Variants in JUP observed in about 807,000 individuals in gnomAD.
JUP encodes junction plakoglobin.
JUP carries 28 observed loss-of-function variants against 71.1 expected under a neutral mutation model. The ratio of observed to expected loss-of-function variants is 0.39; its 90% confidence interval spans 0.29 to 0.54. JUP has a LOEUF of 0.54. Among genes scored for constraint, JUP ranks in the 20% least tolerant of loss-of-function variants. The probability of loss-of-function intolerance (pLI) is 0.62; values close to 1 mark genes in which losing one functional copy is unlikely to be tolerated. For missense variants in JUP, 869 were observed against 1,030.1 expected (o/e 0.84, Z 2.14); for synonymous variants, 401 against 438.9 (o/e 0.91, Z 1.08).
chr17:41,759,940 G>A (rs1037986957), intron 8 of JUP, among the ~76,000 whole-genome samples: 4 of 151,850 alleles, frequency 2.6e-5, no homozygotes, highest in Non-Finnish European at 1.5e-5. Flanking sequence ...TAGGCCGGGC[G>A]CAGTGGCTCA....
chr17:41,762,115 CAGAGAGACAGAGAGAGAGAG>C, intron 8 of JUP, among the ~76,000 whole-genome samples: 1 of 63,362 alleles, frequency 1.6e-5, no homozygotes, highest in African/African-American at 6.8e-5. Context: ...AGCAGGCCTG[CAGAGAGACAGAGAGAGAGAG>C]AGAGAGAGAG....
chr17:41,772,049 G>A (rs536854987), intron 1 of JUP, 187 bp from the exon 2 acceptor site: 34 of 673,732 alleles, frequency 5.0e-5, no homozygotes, highest in South Asian at 1.2e-4. Context: ...GGCTGCCCAC[G>A]ACGAGATACC....
chr17:41,763,974 C>G (rs76896865), intron 7 of JUP, among the ~76,000 whole-genome samples: 475 of 152,308 alleles, frequency 3.1e-3, no homozygotes, highest in African/African-American at 9.2e-3. Context: ...GCCATTAGCT[C>G]CCCGAGCCTC....
intron 13 of JUP, 66 bp from the exon 14 acceptor site, chr17:41,755,961 A>G (rs1421490559): frequency 3.9e-6 from 6 of 1,556,888 alleles, no homozygotes; most frequent in Non-Finnish European, 2.6e-6. Flanking sequence ...CAGTCTGCAC[A>G]GCCTTCAGCT....
intron 1 of JUP, among the ~76,000 whole-genome samples, chr17:41,774,174 G>A (rs1218903225): frequency 6.6e-6 from 1 of 151,550 alleles, no homozygotes; most frequent in Non-Finnish European, 1.5e-5. Flanking sequence ...TCAACCGCCA[G>A]GAGACTGCTG....
intron 5 of JUP, among the ~76,000 whole-genome samples, chr17:41,766,631 G>C (rs782295857): frequency 6.6e-6 from 1 of 152,038 alleles, no homozygotes; most frequent in African/African-American, 2.4e-5. Flanking sequence ...GAGGCAGATG[G>C]ACAACCTAAG....
intron 12 of JUP, among the ~76,000 whole-genome samples, chr17:41,756,599 C>T (rs1913800349): frequency 7.2e-6 from 1 of 139,554 alleles, no homozygotes; most frequent in Admixed American, 7.2e-5. Flanking sequence ...GACTCTGTCT[C>T]GAAAAAAATA....
chr17:41,755,502 C>T lies in JUP; in HGVS notation c.*242G>A. ...CCTGCATCCCCAGAAGCTCAAGCCA[C>T]TCCGTGTCACCTGCCCACCACCCCC... On this transcript the variant is annotated 3_prime_UTR_variant, in exon 14 of 14. Transcript: ENST00000393931. The T allele has an allele frequency of 2.2e-6, 1 of 445,354 alleles. No homozygotes were observed. The highest frequency in any genetic ancestry group is 3.9e-6 in the Non-Finnish European group (1 of 253,596). The allele number at this position is 445,354 out of a possible 1,614,324, so 27.6% of individuals were successfully genotyped here.
In JUP at chr17:41,756,878, G is replaced by A. The variant is rs569066734; in HGVS notation, c.2046+537C>T. 6.6e-5 allele frequency among the ~76,000 whole-genome samples: 10 copies of A among 152,224 alleles called. 1 individual carries two copies. Among genetic ancestry groups the A allele is most frequent in the East Asian group, 5.8e-4 (3 of 5,178 alleles). ...TCACACCACTGCACTCCAGCCTGGC[G>A]ACAGAGCAAGACTCCATCTCAAAAA... On this transcript the variant is annotated intron_variant, in intron 12 of 13. Transcript: ENST00000393931.
intron 1 of JUP, 23 bp from the exon 2 acceptor site, chr17:41,771,885 C>CAGGAAGCA (rs1916712489): frequency 6.4e-7 from 1 of 1,570,886 alleles, no homozygotes; most frequent in Non-Finnish European, 8.7e-7. Context: ...AGGAGGAAGT[C>CAGGAAGCA]AGGAAGCAGG....
chr17:41,763,466 C>T, intron 7 of JUP, 145 bp from the exon 8 acceptor site: 1 of 636,982 alleles, frequency 1.6e-6, no homozygotes, highest in Non-Finnish European at 2.8e-6. Flanking sequence ...TGACCCGCCA[C>T]ACCCTGTGAG....
chr17:41,760,126 G>A (rs913854446), intron 8 of JUP, among the ~76,000 whole-genome samples: 10 of 151,482 alleles, frequency 6.6e-5, no homozygotes, highest in Non-Finnish European at 1.3e-4. Flanking sequence ...TCATGCCACT[G>A]CACTCCAGCC....
intron 1 of JUP, among the ~76,000 whole-genome samples, chr17:41,779,244 A>G (rs2047043107): frequency 6.6e-6 from 1 of 152,098 alleles, no homozygotes; most frequent in African/African-American, 2.4e-5. Flanking sequence ...CTCAAAAAAA[A>G]AAAAAGAGGA....
rs1032159547 is a variant in JUP, at chr17:41,769,409, C to T, written c.468+9G>A. ...CCCAGCCCCCACCCTAGCAGGGACCCTCACAGACCGGGTCCTCGTCGTTGA... is the reference window on the plus strand; with the variant it reads ...CCCAGCCCCCACCCTAGCAGGGACCTTCACAGACCGGGTCCTCGTCGTTGA... On this transcript the variant is annotated intron_variant, in intron 3 of 13. Coordinates refer to ENST00000393931, the MANE Select transcript of JUP (RefSeq NM_002230.4). The T allele has an allele frequency of 1.9e-6, 3 of 1,608,748 alleles. No homozygotes were observed. Among genetic ancestry groups the T allele is most frequent in the East Asian group, 4.5e-5 (2 of 44,768 alleles).
At chr17:41,758,899 G>A in intron 8 of JUP, 29 bp from the exon 9 acceptor site, 1 of 1,594,946 alleles carries the variant, frequency 6.3e-7, no homozygotes, top group Non-Finnish European at 8.6e-7. Flanking sequence ...GTGATCAGGG[G>A]CACTTCTTGG....
At chr17:41,772,154 T>C in intron 1 of JUP, 1 of 503,740 alleles carries the variant, frequency 2.0e-6, no homozygotes, top group Non-Finnish European at 3.6e-6. Flanking sequence ...GGCAGGACAG[T>C]CAAGGGCCAG....
chr17:41,780,373 AG>A (rs1308791398), intron 1 of JUP, among the ~76,000 whole-genome samples: 1 of 151,594 alleles, frequency 6.6e-6, no homozygotes, highest in African/African-American at 2.4e-5. Flanking sequence ...CTCTAGCCTA[AG>A]GGACAGAGCG....
chr17:41,767,869 C>G (rs112388180), intron 4 of JUP, among the ~76,000 whole-genome samples: 4 of 152,334 alleles, frequency 2.6e-5, no homozygotes, highest in African/African-American at 4.8e-5. Context: ...TACTAAGTAA[C>G]CACCATGTGG....
chr17:41,758,765 G>A lies in JUP; in HGVS notation c.1603C>T (p.His535Tyr), dbSNP rs1555599751. Residue 535 changes from histidine (H) to tyrosine (Y), a missense_variant, in exon 9 of 14, where the codon CAC becomes TAC. Physicochemically the swap from His to Tyr is moderately conservative, Grantham distance 83. Coordinates refer to ENST00000393931, the MANE Select transcript of JUP (RefSeq NM_002230.4). ...GCTACGTGGCGCTGGGCATCCTGGT[G>A]GGCCTTCACCAGCAGTTGGACGAGG... The part of the protein sequence containing the change: ...PRLVQLLVKA[H>Y]QDAQRHVAAG... 1 of 1,609,426 alleles carries A rather than the reference G, an allele frequency of 6.2e-7. No homozygotes were observed. Among genetic ancestry groups the A allele is most frequent in the Non-Finnish European group, 8.5e-7 (1 of 1,178,138 alleles).
Sources: gnomAD v4.1 joint callset for allele counts (sites outside exome capture counted in the v4.1 genomes callset) on GRCh38, gnomAD v4.1.1 for gene constraint, MANE v1.5 for transcripts, NCBI Gene and HGNC (gene_info 2026-07-23, HGNC 2026-07-21) for gene names.